Variants in EXOC4 observed in about 807,000 individuals in gnomAD.
EXOC4 encodes the protein SEC8-like 1.
EXOC4 carries 71 observed loss-of-function variants against 107.2 expected under a neutral mutation model. The observed-to-expected ratio is 0.66, with a 90% confidence interval of 0.55 to 0.81. The LOEUF is 0.81. Ranked by LOEUF, EXOC4 falls within the 30% of genes least tolerant of loss-of-function variation. The probability of loss-of-function intolerance (pLI) is 0.00; values close to 1 mark genes in which losing one functional copy is unlikely to be tolerated. For missense variants in EXOC4, 1,108 were observed against 1,189.6 expected, an observed-to-expected ratio of 0.93 and a Z score of 1.01; for synonymous variants, 456 against 441.2, an observed-to-expected ratio of 1.03 and a Z score of -0.42.
intron 9 of EXOC4, among the ~76,000 whole-genome samples, chr7:133,496,699 A>T (rs983433954): frequency 1.3e-5 from 2 of 152,018 alleles, no homozygotes; most frequent in Non-Finnish European, 2.9e-5. Flanking sequence ...CATGTTTCTT[A>T]CTGATATTCC....
chr7:133,792,293 C>G (rs1023766230), intron 10 of EXOC4, among the ~76,000 whole-genome samples: 1 of 152,118 alleles, frequency 6.6e-6, no homozygotes, highest in African/African-American at 2.4e-5. Flanking sequence ...TGGCTCACAC[C>G]TGTAATCTCA....
chr7:133,807,476 G>A (rs1050550653), intron 10 of EXOC4, among the ~76,000 whole-genome samples: 17 of 151,990 alleles, frequency 1.1e-4, no homozygotes, highest in African/African-American at 4.1e-4. Context: ...AACTGATATG[G>A]GGCACCTAAA....
chr7:133,371,710 T>C (rs1796381902), intron 6 of EXOC4, among the ~76,000 whole-genome samples: 2 of 152,254 alleles, frequency 1.3e-5, no homozygotes, highest in Admixed American at 1.3e-4. Flanking sequence ...GTACAAGTTT[T>C]TGTGTGCACG....
At chr7:133,951,931 A>G (rs1286215675) in intron 14 of EXOC4, among the ~76,000 whole-genome samples, 1 of 152,206 alleles carries the variant, frequency 6.6e-6, no homozygotes, top group Non-Finnish European at 1.5e-5. Flanking sequence ...GGGCCAAGGC[A>G]GGTGGATCAC....
intron 11 of EXOC4, among the ~76,000 whole-genome samples, chr7:133,885,572 T>C (rs926666434): frequency 6.6e-6 from 1 of 152,104 alleles, no homozygotes; most frequent in Non-Finnish European, 1.5e-5. Flanking sequence ...AGATAGCCAA[T>C]TGAACCAGTG....
intron 17 of EXOC4, among the ~76,000 whole-genome samples, chr7:134,042,647 A>T (rs1795547182): frequency 6.6e-6 from 1 of 152,224 alleles, no homozygotes; most frequent in African/African-American, 2.4e-5. Context: ...GGAGATGCAG[A>T]TTTAAGTCAG....
At chr7:133,434,597 G>A (rs985327366) in intron 7 of EXOC4, among the ~76,000 whole-genome samples, 6 of 152,138 alleles carry the variant, frequency 3.9e-5, no homozygotes, top group Admixed American at 2.6e-4. Context: ...ACTGAGAAAT[G>A]TAGAGGAACT....
chr7:133,539,318 G>A (rs1800336682), intron 9 of EXOC4, among the ~76,000 whole-genome samples: 1 of 151,506 alleles, frequency 6.6e-6, no homozygotes, highest in Non-Finnish European at 1.5e-5. Context: ...TCTTTTTATT[G>A]TTTTATTATT....
chr7:134,054,583 A>G (rs1028495733), intron 17 of EXOC4, among the ~76,000 whole-genome samples: 4 of 152,202 alleles, frequency 2.6e-5, no homozygotes, highest in East Asian at 1.9e-4. Flanking sequence ...AAGTGAGATC[A>G]GTTCTAAAGC....
chr7:133,988,945 A>T (rs1794183171), intron 14 of EXOC4, among the ~76,000 whole-genome samples: 1 of 152,198 alleles, frequency 6.6e-6, no homozygotes. Flanking sequence ...AGAAATTAAC[A>T]TAGTCAAATT....
chr7:133,384,007 T>G (rs1796673468), intron 7 of EXOC4, among the ~76,000 whole-genome samples: 1 of 151,952 alleles, frequency 6.6e-6, no homozygotes, highest in African/African-American at 2.4e-5. Flanking sequence ...TAAATTCGAG[T>G]TTGTTTCTGT....
chr7:134,025,165 GTAA>G (rs1795112714), intron 17 of EXOC4, among the ~76,000 whole-genome samples: 1 of 152,094 alleles, frequency 6.6e-6, no homozygotes, highest in African/African-American at 2.4e-5. Flanking sequence ...GTAAAATCTA[GTAA>G]TAATTGTTAA....
chr7:133,533,321 C>T (rs1307995436), intron 9 of EXOC4, among the ~76,000 whole-genome samples: 2 of 152,118 alleles, frequency 1.3e-5, no homozygotes, highest in African/African-American at 4.8e-5. Context: ...AGAACCTCAT[C>T]TCTATAAACG....
intron 11 of EXOC4, among the ~76,000 whole-genome samples, chr7:133,820,737 A>T (rs1032138845): frequency 2.0e-5 from 3 of 152,238 alleles, no homozygotes; most frequent in Admixed American, 2.0e-4. Context: ...GTCACACAGC[A>T]TCAGCCCAGC....
At chr7:133,328,264 T>C (rs1158996469) in intron 5 of EXOC4, among the ~76,000 whole-genome samples, 1 of 152,078 alleles carries the variant, frequency 6.6e-6, no homozygotes, top group Non-Finnish European at 1.5e-5. Flanking sequence ...GTTTTTTTTT[T>C]GCTTTCCATT....
At chr7:133,652,827 A>G (rs945754378) in intron 10 of EXOC4, among the ~76,000 whole-genome samples, 3 of 152,230 alleles carry the variant, frequency 2.0e-5, no homozygotes, top group Admixed American at 6.5e-5. Context: ...GAGAAATGAA[A>G]ATAGCTTTAA....
chr7:133,783,481 T>A (rs1255321495), intron 10 of EXOC4, among the ~76,000 whole-genome samples: 1 of 152,230 alleles, frequency 6.6e-6, no homozygotes, highest in African/African-American at 2.4e-5. Context: ...ATAACTGCTT[T>A]TATGGACAAT....
chr7:133,532,179 A>G (rs999315685), intron 9 of EXOC4, among the ~76,000 whole-genome samples: 2 of 152,224 alleles, frequency 1.3e-5, no homozygotes, highest in Admixed American at 6.5e-5. Context: ...TCTGTACCCA[A>G]TACTTACTAT....
intron 9 of EXOC4, among the ~76,000 whole-genome samples, chr7:133,495,232 A>T (rs1402127172): frequency 6.6e-6 from 1 of 152,022 alleles, no homozygotes; most frequent in Non-Finnish European, 1.5e-5. Context: ...AGCCTGGGTG[A>T]CAAGAGCGAA....
Sources: gnomAD v4.1 joint callset for allele counts (sites outside exome capture counted in the v4.1 genomes callset) on GRCh38, gnomAD v4.1.1 for gene constraint, MANE v1.5 for transcripts, NCBI Gene and HGNC (gene_info 2026-07-23, HGNC 2026-07-21) for gene names.